The following ACTR3B variants were observed in gnomAD, a reference collection of about 807,000 sequenced individuals.
The protein encoded by ACTR3B is actin-related protein 3B.
A neutral mutation model predicts 59.0 loss-of-function variants in ACTR3B; 8 were observed. That is an observed-to-expected ratio of 0.14 (90% confidence interval 0.08 to 0.24). ACTR3B has a LOEUF of 0.24. Among genes scored for constraint, ACTR3B ranks in the 10% least tolerant of loss-of-function variants. The probability of loss-of-function intolerance (pLI) is 1.00; values close to 1 mark genes in which losing one functional copy is unlikely to be tolerated. For synonymous variants in ACTR3B, 148 were observed against 197.9 expected (o/e 0.75, Z 2.12); for missense variants, 245 against 552.3 (o/e 0.44, Z 5.58).
intron 1 of ACTR3B, among the ~76,000 whole-genome samples, chr7:152,769,557 G>A (rs1461895049): frequency 6.6e-6 from 1 of 151,944 alleles, no homozygotes; most frequent in African/African-American, 2.4e-5. Context: ...GATGACTTAA[G>A]CTCATTTATA....
At chr7:152,816,186 A>G (rs1448980376) in intron 5 of ACTR3B, among the ~76,000 whole-genome samples, 1 of 152,198 alleles carries the variant, frequency 6.6e-6, no homozygotes, top group Non-Finnish European at 1.5e-5. Context: ...GGTTCAAGTG[A>G]TCTGCCTACC....
chr7:152,777,596 C>T (rs546119028), intron 1 of ACTR3B, among the ~76,000 whole-genome samples: 2 of 152,218 alleles, frequency 1.3e-5, no homozygotes, highest in South Asian at 2.1e-4. Flanking sequence ...TTTTTGAATT[C>T]CCTTATTGCT....
chr7:152,763,879 C>A (rs900773067), intron 1 of ACTR3B, among the ~76,000 whole-genome samples: 1 of 152,296 alleles, frequency 6.6e-6, no homozygotes, highest in East Asian at 1.9e-4. Flanking sequence ...TATGAGTTGT[C>A]GTTCTGTTCA....
At chr7:152,765,483 C>T (rs1358924790) in intron 1 of ACTR3B, among the ~76,000 whole-genome samples, 6 of 150,930 alleles carry the variant, frequency 4.0e-5, no homozygotes, top group African/African-American at 1.5e-4. Flanking sequence ...AAGTCCCTTG[C>T]CCTCCCAAAA....
At chr7:152,847,153 G>C (rs899904645) in intron 9 of ACTR3B, among the ~76,000 whole-genome samples, 3 of 151,042 alleles carry the variant, frequency 2.0e-5, no homozygotes, top group Admixed American at 6.6e-5. Context: ...CGGGGCTGCA[G>C]TCTGTAGTGA....
chr7:152,763,220 C>T (rs985030455), intron 1 of ACTR3B, among the ~76,000 whole-genome samples: 35 of 141,522 alleles, frequency 2.5e-4, no homozygotes, highest in Admixed American at 1.9e-3. Context: ...GGAGGCTGCT[C>T]AGGAGAATCA....
At chr7:152,851,880 G>A (rs931839623) in intron 9 of ACTR3B, among the ~76,000 whole-genome samples, 1 of 152,024 alleles carries the variant, frequency 6.6e-6, no homozygotes, top group Non-Finnish European at 1.5e-5. Flanking sequence ...GAGCAGGATC[G>A]CCTTGTTTTT....
rs180863114 is a variant in ACTR3B, at chr7:152,762,284, C to T, written c.44+2358C>T. Reference sequence around the variant, plus strand: ...AGGGATGACTAGGCTGCATAGTTTTCAGAGAATATTTCACAACTCCGGTCT... The same window carrying T: ...AGGGATGACTAGGCTGCATAGTTTTTAGAGAATATTTCACAACTCCGGTCT... On this transcript the variant is annotated intron_variant, in intron 1 of 11. Coordinates refer to ENST00000256001, the MANE Select transcript of ACTR3B (RefSeq NM_020445.6). Among the ~76,000 whole-genome samples the T allele has an allele frequency of 6.9e-3, 1,055 of 152,290 alleles. 8 individuals are homozygous for T. Among genetic ancestry groups the T allele is most frequent in the South Asian group, 0.027 (132 of 4,822 alleles).
At chr7:152,833,884 G>A (rs1797223660) in intron 9 of ACTR3B, among the ~76,000 whole-genome samples, 1 of 152,178 alleles carries the variant, frequency 6.6e-6, no homozygotes, top group South Asian at 2.1e-4. Flanking sequence ...GCAAGGTAAG[G>A]TTGCGGGCTA....
chr7:152,778,107 A>G (rs149428866), intron 1 of ACTR3B, among the ~76,000 whole-genome samples: 21 of 152,032 alleles, frequency 1.4e-4, no homozygotes, highest in African/African-American at 5.1e-4. Context: ...GGCTTCAATA[A>G]GGATTCTTCT....
At chr7:152,852,916 T>C (rs892323516) in intron 10 of ACTR3B, among the ~76,000 whole-genome samples, 6 of 152,100 alleles carry the variant, frequency 3.9e-5, no homozygotes, top group Admixed American at 2.6e-4. Flanking sequence ...CTCAGCCTAT[T>C]GAGTAGCTGG....
chr7:152,805,430 G>A (rs909844613), intron 4 of ACTR3B, among the ~76,000 whole-genome samples: 6 of 152,132 alleles, frequency 3.9e-5, no homozygotes, highest in African/African-American at 1.2e-4. Flanking sequence ...TAGCATTCAC[G>A]TGTTGATAGT....
chr7:152,773,416 G>A (rs1424914249), intron 1 of ACTR3B, among the ~76,000 whole-genome samples: 1 of 152,010 alleles, frequency 6.6e-6, no homozygotes, highest in Non-Finnish European at 1.5e-5. Flanking sequence ...GTGAAACCCC[G>A]TCTCTACTAA....
chr7:152,762,159 A>G (rs1292943473), intron 1 of ACTR3B, among the ~76,000 whole-genome samples: 3 of 152,206 alleles, frequency 2.0e-5, no homozygotes, highest in Non-Finnish European at 2.9e-5. Flanking sequence ...CTCCTCAGGT[A>G]AACCCCGAGA....
Position 152,841,710 on chromosome 7 carries a change from A to G in ACTR3B, c.952-10416A>G, listed in dbSNP as rs531454419. On this transcript the variant is annotated intron_variant, in intron 9 of 11. Coordinates refer to ENST00000256001, the MANE Select transcript of ACTR3B (RefSeq NM_020445.6). ...TTATGTCCTCACACAGTTACAGAACATTGAGAAATGAAGAGTTAGAGACTG... is the reference window on the plus strand; with the variant it reads ...TTATGTCCTCACACAGTTACAGAACGTTGAGAAATGAAGAGTTAGAGACTG... Among the ~76,000 whole-genome samples, 4 of 152,326 alleles carry G rather than the reference A, an allele frequency of 2.6e-5. No homozygotes were observed. The East Asian group carries it at 7.7e-4, about 29-fold the overall frequency.
intron 2 of ACTR3B, among the ~76,000 whole-genome samples, chr7:152,785,381 G>C (rs1196979762): frequency 7.8e-5 from 1 of 12,872 alleles, no homozygotes; most frequent in Non-Finnish European, 1.5e-4. Context: ...TGTTGTGAGG[G>C]GGGGGGGAGG....
At chr7:152,834,896 G>C (rs1356248239) in intron 9 of ACTR3B, among the ~76,000 whole-genome samples, 1 of 152,220 alleles carries the variant, frequency 6.6e-6, no homozygotes, top group Non-Finnish European at 1.5e-5. Flanking sequence ...TGGATTTCCA[G>C]TTGCAGTTCT....
chr7:152,780,897 G>A (rs2098150869), intron 1 of ACTR3B, among the ~76,000 whole-genome samples: 1 of 149,640 alleles, frequency 6.7e-6, no homozygotes, highest in Non-Finnish European at 1.5e-5. Context: ...CCGGGCTACA[G>A]GGCAGTGGGG....
At chr7:152,778,793 C>A (rs2098142549) in intron 1 of ACTR3B, among the ~76,000 whole-genome samples, 1 of 150,608 alleles carries the variant, frequency 6.6e-6, no homozygotes, top group African/African-American at 2.4e-5. Context: ...AAAAAAAAAA[C>A]TTAGCCGGGT....
Sources: allele counts gnomAD v4.1 joint callset (sites outside exome capture counted in the v4.1 genomes callset), GRCh38; gene constraint gnomAD v4.1.1; transcripts MANE v1.5; gene names NCBI Gene and HGNC (gene_info 2026-07-23, HGNC 2026-07-21).